Variants in NT5C3A observed in about 807,000 individuals in gnomAD.
NT5C3A encodes the protein cytosolic 5'-nucleotidase 3A.
In NT5C3A, 23 loss-of-function variants were observed where a neutral mutation model predicts 40.0. The observed-to-expected ratio is 0.58, with a 90% confidence interval of 0.41 to 0.81. The LOEUF (loss-of-function observed/expected upper bound fraction) is 0.81. NT5C3A is among the 40% of genes least tolerant of loss of function. The pLI is 0.00. For synonymous variants in NT5C3A, 130 were observed against 141.4 expected, an observed-to-expected ratio of 0.92 and a Z score of 0.57; for missense variants, 328 against 403.0, an observed-to-expected ratio of 0.81 and a Z score of 1.59.
chr7:33,017,236 C>A (rs1424982975), intron 7 of NT5C3A: 8 of 543,878 alleles, frequency 1.5e-5, no homozygotes, highest in African/African-American at 9.7e-5. Flanking sequence ...TAGTCTATAG[C>A]TTGGGGAATG....
intron 3 of NT5C3A, 107 bp downstream of exon 3, chr7:33,023,932 G>A (rs1785772023): frequency 6.8e-6 from 5 of 732,282 alleles, no homozygotes; most frequent in Non-Finnish European, 1.2e-5. Context: ...CACTGTCAAT[G>A]TCCAAGAAGA....
intron 1 of NT5C3A, among the ~76,000 whole-genome samples, chr7:33,056,633 T>C (rs982999815): frequency 1.2e-4 from 18 of 151,928 alleles, no homozygotes; most frequent in Non-Finnish European, 1.5e-4. Context: ...GATCGCTTCA[T>C]TGCACTCCAG....
chr7:33,017,137 T>C (rs887694981), intron 7 of NT5C3A: 54 of 336,860 alleles, frequency 1.6e-4, no homozygotes, highest in African/African-American at 1.1e-3. Flanking sequence ...GTGCTGAGAT[T>C]GTGCTACTGC....
At chr7:33,057,512 A>G (rs986003053) in intron 1 of NT5C3A, among the ~76,000 whole-genome samples, 2 of 152,086 alleles carry the variant, frequency 1.3e-5, no homozygotes, top group East Asian at 1.9e-4. Flanking sequence ...ATCGAGTGAG[A>G]CCCTGCCTCA....
At chr7:33,025,955 G>A (rs1360722635) in intron 2 of NT5C3A, among the ~76,000 whole-genome samples, 1 of 152,178 alleles carries the variant, frequency 6.6e-6, no homozygotes, top group Non-Finnish European at 1.5e-5. Flanking sequence ...GGAGGCCGAG[G>A]TGGATGGATC....
At position 33,040,140 on chromosome 7, in the gene NT5C3A, C is replaced by T. The variant is rs549533195; in HGVS notation, c.139-13225G>A. ...GGTGACAAGCACTACCCAGAGATGC[C>T]GGGCTTGGATGCAGGCTGCCAATAA... On this transcript the variant is annotated intron_variant, in intron 1 of 8. Transcript: ENST00000610140. 1.5e-4 allele frequency among the ~76,000 whole-genome samples: 23 copies of T among 152,078 alleles called. 1 individual carries two copies. Among genetic ancestry groups the T allele is most frequent in the Admixed American group, 1.4e-3 (21 of 15,274 alleles).
chr7:33,040,826 A>C lies in NT5C3A; in HGVS notation c.139-13911T>G, dbSNP rs967557543. On this transcript the variant is annotated intron_variant, in intron 1 of 8. Coordinates refer to ENST00000610140, the MANE Select transcript of NT5C3A (RefSeq NM_001002010.5). The stretch of plus-strand genomic sequence containing the variant: ...TTATAGAATCAAATAAGAATCACAT[A>C]AAGTTAGACAAGAGAAACTCATTTA... 9.9e-6 allele frequency: 9 copies of C among 911,572 alleles called. No homozygotes were observed. In the African/African-American group the frequency reaches 1.6e-4, roughly 16 times the overall value. The allele number at this position is 911,572 out of a possible 1,614,324, so 56.5% of individuals were successfully genotyped here.
chr7:33,029,097 T>C (rs1292488112), intron 1 of NT5C3A: 2 of 152,204 alleles, frequency 1.3e-5, no homozygotes, highest in Non-Finnish European at 2.9e-5. Flanking sequence ...TAAAAAGCCA[T>C]ATTTAAGTAG....
chr7:33,062,572 T>G lies in NT5C3A; in HGVS notation c.134A>C (p.Glu45Ala), dbSNP rs1787825603. The G allele has an allele frequency of 6.2e-7, 1 of 1,610,172 alleles. No homozygotes were observed. Among genetic ancestry groups the G allele is most frequent in the East Asian group, 2.2e-5 (1 of 44,768 alleles). Residue 45 changes from glutamate (E) to alanine (A), a missense_variant, in exon 1 of 9, where the codon GAG (glutamate) becomes GCG (alanine). By Grantham distance (107) the Glu-to-Ala change is moderately radical. This residue lies in a region of NT5C3A where 280 missense variants were observed against 317.2 expected (regional missense o/e 0.88). Transcript: ENST00000610140. ...GCGCCGAGCCTCCACACTCACCATC[T>G]CGATGATCTTGGTCTTCCGCCCCGT... ...RKTGRKTKIIEMMPEFQKSSV... is the reference protein window; with the variant it reads ...RKTGRKTKIIAMMPEFQKSSV...
At chr7:33,018,595 A>G (rs754660466) in intron 6 of NT5C3A, among the ~76,000 whole-genome samples, 2 of 152,260 alleles carry the variant, frequency 1.3e-5, no homozygotes, top group Non-Finnish European at 2.9e-5. Flanking sequence ...TCACGCCTGT[A>G]ACCCCAGCAC....
intron 1 of NT5C3A, among the ~76,000 whole-genome samples, chr7:33,043,758 T>A (rs1340912298): frequency 1.3e-5 from 2 of 152,042 alleles, no homozygotes; most frequent in South Asian, 2.1e-4. Flanking sequence ...TTCCACCCAG[T>A]GTGTATGTGG....
intron 1 of NT5C3A, among the ~76,000 whole-genome samples, chr7:33,034,747 G>A (rs1786488595): frequency 6.6e-6 from 1 of 152,114 alleles, no homozygotes; most frequent in Non-Finnish European, 1.5e-5. Context: ...TATTAAGCGT[G>A]ACAAAATGCT....
chr7:33,034,434 CG>C (rs1398087303), intron 1 of NT5C3A, among the ~76,000 whole-genome samples: 1 of 151,648 alleles, frequency 6.6e-6, no homozygotes, highest in Non-Finnish European at 1.5e-5. Context: ...CTTGTGTTCA[CG>C]TAAGTTAAAA....
At chr7:33,043,492 G>A (rs1787016890) in intron 1 of NT5C3A, among the ~76,000 whole-genome samples, 1 of 152,164 alleles carries the variant, frequency 6.6e-6, no homozygotes, top group Non-Finnish European at 1.5e-5. Context: ...TCATATAGTT[G>A]GATTGTCTGA....
chr7:33,040,978 T>G, intron 1 of NT5C3A: 6 of 985,432 alleles, frequency 6.1e-6, no homozygotes, highest in Non-Finnish European at 7.2e-6. Flanking sequence ...AAGCCTTGAC[T>G]AAGCCCTATG....
chr7:33,021,278 A>G lies in NT5C3A; in HGVS notation c.434T>C (p.Val145Ala). 1 of 1,612,320 alleles carries G rather than the reference A, an allele frequency of 6.2e-7. No homozygotes were observed. Among genetic ancestry groups the G allele is most frequent in the Non-Finnish European group, 8.5e-7 (1 of 1,178,868 alleles). ...LTVEEKYPYM[V>A]EWYTKSHGLL... is the part of the protein sequence containing the mutation. ...CTGCCTAATATACACTTACCATTCC[A>G]CCATATAAGGGTACTTCTCTTCTAC... The change falls in exon 5 of 9, where the codon GTG becomes GCG. Residue 145 changes from valine to alanine, a missense_variant. Around this residue, in one of 3 missense-constraint regions of NT5C3A, gnomAD observed 280 missense variants for 317.2 expected, o/e 0.88. Transcript: ENST00000610140.
At chr7:33,033,385 G>T (rs1173103234) in intron 1 of NT5C3A, among the ~76,000 whole-genome samples, 1 of 152,170 alleles carries the variant, frequency 6.6e-6, no homozygotes, top group Non-Finnish European at 1.5e-5. Flanking sequence ...GATTTCCCTT[G>T]CTTATTACAT....
chr7:33,033,896 T>TATAAAA (rs10691796), intron 1 of NT5C3A, among the ~76,000 whole-genome samples: 1 of 120,158 alleles, frequency 8.3e-6, no homozygotes, highest in Non-Finnish European at 1.7e-5. Flanking sequence ...ATATATATAA[T>TATAAAA]TTTTTTTTTT....
intron 8 of NT5C3A, 132 bp downstream of exon 8, chr7:33,015,538 C>T (rs1376715420): frequency 1.1e-5 from 7 of 644,384 alleles, no homozygotes; most frequent in Admixed American, 2.7e-5. Context: ...ACTCTAGCCT[C>T]GGTAACAGAG....
Sources: gnomAD v4.1 joint callset for allele counts (sites outside exome capture counted in the v4.1 genomes callset) on GRCh38, gnomAD v4.1.1 for gene constraint, gnomAD v4.1.1 regional missense constraint, MANE v1.5 for transcripts, NCBI Gene and HGNC (gene_info 2026-07-23, HGNC 2026-07-21) for gene names.